Variants in ADGB observed in about 807,000 individuals in gnomAD.
ADGB encodes androglobin.
A neutral mutation model predicts 210.5 loss-of-function variants in ADGB; 172 were observed. The ratio of observed to expected loss-of-function variants is 0.82; its 90% confidence interval spans 0.72 to 0.93. ADGB has a LOEUF of 0.93. Ranked by LOEUF, ADGB falls within the 40% of genes least tolerant of loss-of-function variation. The probability of loss-of-function intolerance (pLI) is 0.00; values close to 1 mark genes in which losing one functional copy is unlikely to be tolerated. For missense variants in ADGB, 2,025 were observed against 1,964.8 expected, an observed-to-expected ratio of 1.03 and a Z score of -0.58; for synonymous variants, 658 against 662.7, an observed-to-expected ratio of 0.99 and a Z score of 0.11.
At chr6:146,663,154 TA>T (rs1346686820) in intron 5 of ADGB, among the ~76,000 whole-genome samples, 10 of 142,182 alleles carry the variant, frequency 7.0e-5, no homozygotes, top group Non-Finnish European at 1.4e-4. Context: ...TATAAATATA[TA>T]ATATATATTT....
chr6:146,721,560 G>A (rs1367223878), intron 17 of ADGB, 55 bp downstream of exon 17: 2 of 974,446 alleles, frequency 2.1e-6, no homozygotes, highest in East Asian at 2.9e-5. Context: ...GTTCAGGCTA[G>A]GGCGTGGTGG....
At chr6:146,656,639 A>G (rs940154392) in intron 4 of ADGB, 132 bp from the exon 5 acceptor site, 2 of 615,840 alleles carry the variant, frequency 3.2e-6, no homozygotes, top group African/African-American at 3.8e-5. Flanking sequence ...ATCAGAAATG[A>G]AAGTATGGAA....
intron 19 of ADGB, among the ~76,000 whole-genome samples, chr6:146,726,441 T>C (rs1405938152): frequency 1.3e-5 from 2 of 152,092 alleles, no homozygotes; most frequent in Non-Finnish European, 2.9e-5. Flanking sequence ...GCCAGGCTAG[T>C]CTCAAACTCC....
chr6:146,644,847 A>G lies in ADGB; in HGVS notation c.312A>G (p.Gln104=). Residue 104 remains glutamine, a synonymous_variant, in exon 3 of 36, where the codon CAA becomes CAG. Transcript: ENST00000397944. ...SLKIYSWKRP[Q]DILFSQTPVV... ...AAATTTATTCCTGGAAACGTCCACA[A>G]GATATTTTATTTAGTCAGGTAAGAA... 5 of 1,488,636 alleles carry G rather than the reference A, an allele frequency of 3.4e-6. No homozygotes were observed. The highest frequency in any genetic ancestry group is 4.5e-6 in the Non-Finnish European group (5 of 1,118,224). 92.2% of individuals were successfully genotyped at this position (1,488,636 alleles called of 1,614,324 possible).
At chr6:146,767,541 T>G (rs1314519385) in intron 28 of ADGB, among the ~76,000 whole-genome samples, 1 of 152,216 alleles carries the variant, frequency 6.6e-6, no homozygotes, top group African/African-American at 2.4e-5. Flanking sequence ...TGATCTCAGC[T>G]CACTGCAATC....
At chr6:146,657,129 A>G (rs1775795481) in intron 5 of ADGB, 149 bp downstream of exon 5, 2 of 696,860 alleles carry the variant, frequency 2.9e-6, no homozygotes, top group Admixed American at 6.2e-5. Flanking sequence ...GTTCGCAACC[A>G]GCCTGGGCAA....
Position 146,717,548 on chromosome 6 carries a change from T to C in ADGB, c.1941T>C (p.Ile647=). Residue 647 remains isoleucine, a synonymous_variant, in exon 16 of 36, where the codon ATT becomes ATC. Transcript: ENST00000397944. ...DFCVCFQNIY[I]FHKPSSYCLN... ...GTCTTTCTTTCAGAAATATATATATTTTCCACAAGCCAAGTTCATATTGCC... is the reference window on the plus strand; with the variant it reads ...GTCTTTCTTTCAGAAATATATATATCTTCCACAAGCCAAGTTCATATTGCC... The C allele has an allele frequency of 7.1e-7, 1 of 1,403,454 alleles. No homozygotes were observed. Among genetic ancestry groups the C allele is most frequent in the Non-Finnish European group, 9.7e-7 (1 of 1,030,274 alleles). 86.9% of individuals were successfully genotyped at this position (1,403,454 alleles called of 1,614,324 possible).
chr6:146,672,774 A>G (rs1290962237), intron 8 of ADGB, among the ~76,000 whole-genome samples: 1 of 144,886 alleles, frequency 6.9e-6, no homozygotes, highest in Non-Finnish European at 1.5e-5. Flanking sequence ...CTTGTTGCCC[A>G]GGCTGGAGTC....
intron 33 of ADGB, among the ~76,000 whole-genome samples, chr6:146,799,535 G>GAA (rs35756296): frequency 2.1e-5 from 2 of 93,464 alleles, no homozygotes; most frequent in Non-Finnish European, 4.0e-5. Context: ...TCTGGGGGGA[G>GAA]AAAAAAAAAA....
At position 146,649,256 on chromosome 6, in the gene ADGB, A is replaced by T. The variant is rs1312516033; in HGVS notation, c.330+4391A>T. On this transcript the variant is annotated intron_variant, in intron 3 of 35. Transcript: ENST00000397944. ...AGTGAAATACGTGGGCATTTTGCTG[A>T]TAACTCAGAAGATTTATCCATTTTT... Among the ~76,000 whole-genome samples the T allele has an allele frequency of 4.0e-5, 6 of 151,340 alleles. No homozygotes were observed. The East Asian group carries it at 1.2e-3, about 29-fold the overall frequency.
At position 146,644,816 on chromosome 6, in the gene ADGB, C is replaced by G; in HGVS notation, c.281C>G (p.Ser94Cys). ...GAAGGAAAGATTGAGTTACCACCATCCTTGAAAATTTATTCCTGGAAACGT... is the reference window on the plus strand; with the variant it reads ...GAAGGAAAGATTGAGTTACCACCATGCTTGAAAATTTATTCCTGGAAACGT... ...DPEGKIELPP[S>C]LKIYSWKRPQ... The change falls in exon 3 of 36, where the codon TCC becomes TGC. Residue 94 changes from serine to cysteine, a missense_variant. By Grantham distance (112) the Ser-to-Cys change is moderately radical. Coordinates refer to ENST00000397944, the MANE Select transcript of ADGB (RefSeq NM_024694.4). 5 of 1,490,832 alleles carry G rather than the reference C, an allele frequency of 3.4e-6. No individual in the cohort carries two copies. The highest frequency in any genetic ancestry group is 4.5e-6 in the Non-Finnish European group (5 of 1,119,806). 92.4% of individuals were successfully genotyped at this position (1,490,832 alleles called of 1,614,324 possible).
chr6:146,749,943 T>A (rs895733237), intron 26 of ADGB, among the ~76,000 whole-genome samples: 1 of 152,044 alleles, frequency 6.6e-6, no homozygotes, highest in East Asian at 1.9e-4. Context: ...TCCAATCACC[T>A]CCTACCAGGC....
chr6:146,697,747 G>A (rs181118388), intron 12 of ADGB, among the ~76,000 whole-genome samples: 155 of 152,160 alleles, frequency 1.0e-3, no homozygotes, highest in Middle Eastern at 6.8e-3. Flanking sequence ...AAATCTTAAC[G>A]GCCAAAAGAA....
chr6:146,807,340 C>T, intron 35 of ADGB: 4 of 1,489,652 alleles, frequency 2.7e-6, no homozygotes, highest in East Asian at 2.5e-5. Context: ...TCATTTTTTT[C>T]TTTCTGGGAA....
intron 23 of ADGB, 23 bp from the exon 24 acceptor site, chr6:146,740,436 A>C: frequency 6.7e-7 from 1 of 1,502,320 alleles, no homozygotes; most frequent in Non-Finnish European, 8.9e-7. Flanking sequence ...CCATTGATAC[A>C]TAATTTATTT....
At chr6:146,724,688 G>GT (rs1776868764) in intron 18 of ADGB, 1 of 153,048 alleles carries the variant, frequency 6.5e-6, no homozygotes, top group Non-Finnish European at 1.5e-5. Flanking sequence ...TTTCTTATAA[G>GT]TTTTCTCACC....
intron 1 of ADGB, among the ~76,000 whole-genome samples, chr6:146,619,989 T>C (rs1780865469): frequency 7.5e-6 from 1 of 132,914 alleles, no homozygotes; most frequent in African/African-American, 2.6e-5. Flanking sequence ...TCAGCCTTTG[T>C]TTGTCTGGGA....
At chr6:146,685,417 A>T (rs1054286917) in intron 9 of ADGB, among the ~76,000 whole-genome samples, 1 of 152,060 alleles carries the variant, frequency 6.6e-6, no homozygotes, top group Non-Finnish European at 1.5e-5. Flanking sequence ...TTCCTTTTGA[A>T]CATTCTCATT....
At chr6:146,644,956 G>T (rs1775585655) in intron 3 of ADGB, 91 bp downstream of exon 3, 2 of 703,140 alleles carry the variant, frequency 2.8e-6, no homozygotes, top group African/African-American at 1.9e-5. Context: ...ATGATTTAGG[G>T]TAATTTTCTC....
Sources: allele counts gnomAD v4.1 joint callset (sites outside exome capture counted in the v4.1 genomes callset), GRCh38; gene constraint gnomAD v4.1.1; transcripts MANE v1.5; gene names NCBI Gene and HGNC (gene_info 2026-07-23, HGNC 2026-07-21).